ZNF148: variants seen among roughly 807,000 people sequenced by gnomAD.
ZNF148 encodes Beta-Enolase Repressor Factor-1.
ZNF148 carries 7 observed loss-of-function variants against 67.7 expected under a neutral mutation model. The ratio of observed to expected loss-of-function variants is 0.10; its 90% confidence interval spans 0.06 to 0.19. The LOEUF (loss-of-function observed/expected upper bound fraction) is 0.19, where lower values mean the gene tolerates loss of function less well. ZNF148 is among the 10% of genes least tolerant of loss of function. The pLI, the probability that ZNF148 is intolerant of heterozygous loss-of-function variation, is 1.00. For missense variants in ZNF148, 583 were observed against 947.1 expected (o/e 0.62, Z 5.05); for synonymous variants, 333 against 330.7 (o/e 1.01, Z -0.08).
At chr3:125,334,373 TAC>T (rs1941407724) in intron 1 of ZNF148, among the ~76,000 whole-genome samples, 1 of 152,192 alleles carries the variant, frequency 6.6e-6, no homozygotes, top group Non-Finnish European at 1.5e-5. Context: ...GATAAGCACA[TAC>T]AGAGTAAATG....
intron 1 of ZNF148, among the ~76,000 whole-genome samples, chr3:125,336,055 T>C (rs987540293): frequency 6.6e-6 from 1 of 152,224 alleles, no homozygotes; most frequent in African/African-American, 2.4e-5. Context: ...AAGCCATTCA[T>C]TGATAAAGAA....
At chr3:125,248,935 C>T (rs1476963270) in intron 7 of ZNF148, among the ~76,000 whole-genome samples, 1 of 152,124 alleles carries the variant, frequency 6.6e-6, no homozygotes, top group Non-Finnish European at 1.5e-5. Context: ...CTTAAAAATG[C>T]AGGTGTAATT....
At chr3:125,304,540 A>C (rs1197578404) in intron 4 of ZNF148, among the ~76,000 whole-genome samples, 2 of 152,140 alleles carry the variant, frequency 1.3e-5, no homozygotes, top group Non-Finnish European at 2.9e-5. Context: ...CATCTGCATT[A>C]GGGGTTAGGA....
intron 1 of ZNF148, among the ~76,000 whole-genome samples, chr3:125,357,463 C>T (rs1942393453): frequency 6.6e-6 from 1 of 152,098 alleles, no homozygotes; most frequent in South Asian, 2.1e-4. Flanking sequence ...GCCCGTCCTC[C>T]CCCCCTTCCA....
intron 7 of ZNF148, among the ~76,000 whole-genome samples, chr3:125,253,434 CTTTT>C (rs1015822553): frequency 1.3e-5 from 2 of 151,140 alleles, no homozygotes; most frequent in Admixed American, 1.3e-4. Context: ...TCTTTCTTTA[CTTTT>C]TTTTTGTTCT....
chr3:125,259,484 T>C (rs979567952), intron 7 of ZNF148, among the ~76,000 whole-genome samples: 3 of 152,222 alleles, frequency 2.0e-5, no homozygotes, highest in Non-Finnish European at 2.9e-5. Flanking sequence ...CTTGGAGATA[T>C]TGCAGGTTCA....
At chr3:125,260,966 T>TA (rs1380342334) in intron 7 of ZNF148, among the ~76,000 whole-genome samples, 3 of 152,190 alleles carry the variant, frequency 2.0e-5, no homozygotes, top group South Asian at 4.1e-4. Flanking sequence ...ACTACAAACT[T>TA]ACTGAATTTC....
chr3:125,363,503 T>C (rs921141537), intron 1 of ZNF148, among the ~76,000 whole-genome samples: 2 of 152,244 alleles, frequency 1.3e-5, no homozygotes, highest in Admixed American at 6.5e-5. Context: ...TTAAAAGCCC[T>C]AGAGCTTTTC....
At chr3:125,293,600 A>G (rs929248671) in intron 4 of ZNF148, among the ~76,000 whole-genome samples, 1 of 152,232 alleles carries the variant, frequency 6.6e-6, no homozygotes, top group Non-Finnish European at 1.5e-5. Flanking sequence ...AAAAGGACAT[A>G]AGACCCAGAC....
intron 7 of ZNF148, among the ~76,000 whole-genome samples, chr3:125,235,698 C>A (rs1171914118): frequency 6.6e-6 from 1 of 151,968 alleles, no homozygotes; most frequent in African/African-American, 2.4e-5. Flanking sequence ...TTGGAACCAA[C>A]CCAAATGTCC....
At chr3:125,287,474 G>A (rs965863483) in intron 5 of ZNF148, among the ~76,000 whole-genome samples, 2 of 151,990 alleles carry the variant, frequency 1.3e-5, no homozygotes, top group Non-Finnish European at 2.9e-5. Flanking sequence ...CCCCATTTCT[G>A]TAAGAAATTC....
chr3:125,278,729 T>C (rs973683965), intron 6 of ZNF148, among the ~76,000 whole-genome samples: 1 of 152,200 alleles, frequency 6.6e-6, no homozygotes, highest in African/African-American at 2.4e-5. Context: ...AATACTGTTC[T>C]CTACAATTTC....
chr3:125,369,225 G>T (rs565507965), intron 1 of ZNF148, among the ~76,000 whole-genome samples: 2 of 118,198 alleles, frequency 1.7e-5, no homozygotes, highest in Non-Finnish European at 3.2e-5. Flanking sequence ...TCACACCACC[G>T]GACTCCAGCC....
intron 7 of ZNF148, among the ~76,000 whole-genome samples, chr3:125,260,760 T>C (rs1380273708): frequency 1.3e-5 from 2 of 152,160 alleles, no homozygotes; most frequent in Non-Finnish European, 2.9e-5. Flanking sequence ...AAATTGTACA[T>C]TAAAAGAAGT....
chr3:125,234,346 A>C lies in ZNF148; in HGVS notation c.668-17T>G. The C allele has an allele frequency of 6.6e-7, 1 of 1,518,954 alleles. No individual in the cohort carries two copies. Among genetic ancestry groups the C allele is most frequent in the Admixed American group, 1.8e-5 (1 of 56,968 alleles). 94.1% of individuals were successfully genotyped at this position (1,518,954 alleles called of 1,614,324 possible). ...GTTTTTCACCTAGCACATAATATAG[A>C]AAGTTTAAAACAAAACAAATATTGT... On this transcript the variant is annotated splice_polypyrimidine_tract_variant and intron_variant, in intron 7 of 8. Transcript: ENST00000360647.
At chr3:125,319,677 G>C (rs1940684348) in intron 3 of ZNF148, among the ~76,000 whole-genome samples, 1 of 152,092 alleles carries the variant, frequency 6.6e-6, no homozygotes, top group Non-Finnish European at 1.5e-5. Flanking sequence ...CACTGTGCTG[G>C]GCACCTTTAA....
intron 4 of ZNF148, chr3:125,311,035 G>A (rs4416340): frequency 0.035 from 7,287 of 205,566 alleles, 209 homozygotes; most frequent in South Asian, 0.089. Context: ...TGACCTCAAC[G>A]GTGCCTATGA....
intron 1 of ZNF148, among the ~76,000 whole-genome samples, chr3:125,341,093 G>T (rs1437197382): frequency 6.6e-6 from 1 of 150,710 alleles, no homozygotes; most frequent in African/African-American, 2.4e-5. Flanking sequence ...CAAAGTAGAG[G>T]GTAAATCAGA....
intron 2 of ZNF148, among the ~76,000 whole-genome samples, chr3:125,326,376 AAAG>A (rs1941018244): frequency 6.6e-6 from 1 of 152,166 alleles, no homozygotes; most frequent in African/African-American, 2.4e-5. Flanking sequence ...GCAGTACAAT[AAAG>A]AAGAGAAAAT....
Sources: gnomAD v4.1 joint callset for allele counts (sites outside exome capture counted in the v4.1 genomes callset) on GRCh38, gnomAD v4.1.1 for gene constraint, MANE v1.5 for transcripts, NCBI Gene and HGNC (gene_info 2026-07-23, HGNC 2026-07-21) for gene names.